Variants in OGG1 observed in about 807,000 individuals in gnomAD.
OGG1 encodes the protein 8-oxoguanine DNA glycosylase, also known as N-glycosylase/DNA lyase.
In OGG1, 35 loss-of-function variants were observed where a neutral mutation model predicts 42.3. The ratio of observed to expected loss-of-function variants is 0.83; its 90% CI spans 0.63 to 1.10. OGG1 has a LOEUF of 1.10. Ranked by LOEUF, OGG1 falls within the 50% of genes least tolerant of loss-of-function variation. The pLI is 0.00. For missense variants in OGG1, 484 were observed against 446.7 expected, an observed-to-expected ratio of 1.08 and a Z score of -0.75; for synonymous variants, 189 against 179.0, an observed-to-expected ratio of 1.06 and a Z score of -0.44.
chr3:9,756,874 A>T, intron 6 of OGG1, 58 bp downstream of exon 6: 1 of 1,611,972 alleles, frequency 6.2e-7, no homozygotes, highest in South Asian at 1.1e-5. Flanking sequence ...GACCCAGTGG[A>T]CTCTTCCACC....
intron 3 of OGG1, chr3:9,787,620 C>A: frequency 8.1e-7 from 1 of 1,240,120 alleles, no homozygotes; most frequent in Non-Finnish European, 1.1e-6. Flanking sequence ...TGTCTCAGGT[C>A]ACAGCAATTG....
At chr3:9,767,863 C>A, downstream of OGG1, 1 of 1,488,174 alleles carries the variant, frequency 6.7e-7, no homozygotes, top group Non-Finnish European at 9.0e-7. Flanking sequence ...TTCAGTCATT[C>A]AACCTGCATT....
At chr3:9,756,842 AG>A in intron 6 of OGG1, 26 bp downstream of exon 6, 1 of 1,612,962 alleles carries the variant, frequency 6.2e-7, no homozygotes, top group Non-Finnish European at 8.5e-7. Flanking sequence ...TGTCCTCCCT[AG>A]GTTTCCTCTC....
intron 2 of OGG1, among the ~76,000 whole-genome samples, chr3:9,774,157 C>G (rs995053521): frequency 6.6e-6 from 1 of 152,144 alleles, no homozygotes; most frequent in East Asian, 1.9e-4. Flanking sequence ...CTCCTGAATC[C>G]CAGCACTTTG....
chr3:9,772,446 T>C (rs1163780182), intron 2 of OGG1, among the ~76,000 whole-genome samples: 1 of 152,192 alleles, frequency 6.6e-6, no homozygotes, highest in Non-Finnish European at 1.5e-5. Flanking sequence ...ACTGGAGATG[T>C]AGTACTCATA....
At chr3:9,765,677 T>G in intron 7 of OGG1, 1 of 1,493,544 alleles carries the variant, frequency 6.7e-7, no homozygotes, top group Non-Finnish European at 9.1e-7. Context: ...GTTTAAATGA[T>G]TTGTCCAAAG....
In OGG1 at chr3:9,750,227, CGTCGACGAGGCCTGGTTCTGG is replaced by C. The variant is rs1210205106; in HGVS notation, c.-57_-37del. 8.9e-6 allele frequency: 14 copies of C among 1,565,448 alleles called. No individual in the cohort carries two copies. The African/African-American group carries it at 1.8e-4, about 20-fold the overall frequency. ...TCCTTGTCTGGGCGGGGTCTTTGGG[CGTCGACGAGGCCTGGTTCTGG>C]GTAGGCGGGGCTACTACGGGGCGGT... On this transcript the variant is annotated 5_prime_UTR_variant, in exon 1 of 7. Transcript: ENST00000344629.
downstream of OGG1, chr3:9,767,799 G>A (rs2125597899): frequency 6.2e-7 from 1 of 1,609,880 alleles, no homozygotes. Context: ...GAGAATGGAA[G>A]GAGGAGACTC....
rs767531450 is a variant in OGG1 at position 9,751,206 on chromosome 3, C to T, written c.385+14C>T. On this transcript the variant is annotated intron_variant, in intron 2 of 6. Transcript: ENST00000344629. ...AGAAATTCCAAGGTGAGTACAGGAC[C>T]TGGGCTGGGGTTAGGGTTCTTGGAC... is the stretch of plus-strand genomic sequence containing the variant. The T allele has an allele frequency of 8.7e-6, 14 of 1,613,236 alleles. No individual in the cohort carries two copies. The African/African-American group carries it at 1.9e-4, about 22-fold the overall frequency.
downstream of OGG1, among the ~76,000 whole-genome samples, chr3:9,770,534 G>C (rs1272886488): frequency 6.6e-6 from 1 of 152,192 alleles, no homozygotes; most frequent in Non-Finnish European, 1.5e-5. Context: ...TTCAGCCCCA[G>C]ACACTTGCTC....
At chr3:9,789,994 G>T, downstream of OGG1, 1 of 1,556,090 alleles carries the variant, frequency 6.4e-7, no homozygotes, top group Non-Finnish European at 8.7e-7. Flanking sequence ...CACTGAGGGG[G>T]AGAAGGGAAA....
intron 3 of OGG1, chr3:9,787,561 C>A: frequency 1.0e-6 from 1 of 983,170 alleles, no homozygotes; most frequent in Admixed American, 2.8e-5. Flanking sequence ...ACACAGAAGC[C>A]AATCTGAAAT....
chr3:9,766,908 A>T (rs1180846665), downstream of OGG1, among the ~76,000 whole-genome samples: 1 of 152,070 alleles, frequency 6.6e-6, no homozygotes, highest in Non-Finnish European at 1.5e-5. Flanking sequence ...CCGGTGGCCT[A>T]TGGGACAATA....
intron 4 of OGG1, among the ~76,000 whole-genome samples, chr3:9,755,901 C>T (rs765928606): frequency 6.6e-6 from 1 of 152,166 alleles, no homozygotes; most frequent in Non-Finnish European, 1.5e-5. Flanking sequence ...CAGGTCACTT[C>T]ACCTTTCAAA....
Position 9,751,875 on chromosome 3 carries a change from A to G in OGG1, c.491A>G (p.Gln164Arg). Residue 164 changes from glutamine to arginine, a missense_variant, in exon 3 of 7, where the codon CAG becomes CGG. Gln to Arg is a conservative substitution (Grantham distance 43). Transcript: ENST00000344629. ...RITGMVERLC[Q>R]AFGPRLIQLD... is the part of the protein sequence containing the mutation. ...ACTGGCATGGTGGAGCGGCTGTGCC[A>G]GGCTTTTGGACCTCGGCTCATCCAG... is the stretch of plus-strand genomic sequence containing the variant. The G allele has an allele frequency of 6.2e-7, 1 of 1,614,194 alleles. No homozygotes were observed. Among genetic ancestry groups the G allele is most frequent in the Non-Finnish European group, 8.5e-7 (1 of 1,180,032 alleles).
intron 4 of OGG1, among the ~76,000 whole-genome samples, chr3:9,755,557 G>A (rs1430246738): frequency 6.7e-6 from 1 of 148,908 alleles, no homozygotes; most frequent in African/African-American, 2.5e-5. Context: ...TCCGCCTCCC[G>A]GCTTCAAGCT....
downstream of OGG1, chr3:9,761,541 G>A: frequency 6.2e-7 from 1 of 1,613,520 alleles, no homozygotes; most frequent in Non-Finnish European, 8.5e-7. Flanking sequence ...CAGGGGCTGT[G>A]GAGGGAAGAG....
chr3:9,767,939 T>C (rs987609847), downstream of OGG1: 1 of 770,290 alleles, frequency 1.3e-6, no homozygotes, highest in Admixed American at 6.2e-5. Flanking sequence ...TATTCAACAT[T>C]CAGCAAATTC....
chr3:9,761,256 T>C (rs1181689057), downstream of OGG1: 22 of 551,852 alleles, frequency 4.0e-5, no homozygotes, highest in East Asian at 6.4e-4. Flanking sequence ...TGGTTTGTGC[T>C]GTGCTAAATT....
Sources: gnomAD v4.1 joint callset for allele counts (sites outside exome capture counted in the v4.1 genomes callset) on GRCh38, gnomAD v4.1.1 for gene constraint, MANE v1.5 for transcripts, NCBI Gene and HGNC (gene_info 2026-07-23, HGNC 2026-07-21) for gene names.